The following LASP1NB variants were observed in gnomAD, a reference collection of about 807,000 sequenced individuals.
LASP1NB encodes the protein LASP1 neighbor protein.
chr17:38,929,150 TTA>T, the LASP1NB span: 1 of 152,222 alleles, frequency 6.6e-6, no homozygotes, highest in Non-Finnish European at 1.5e-5. Flanking sequence ...TTTGGAAAAA[TTA>T]TATGACTTTG....
the LASP1NB span, chr17:38,928,506 C>G: frequency 6.6e-6 from 1 of 150,650 alleles, no homozygotes; most frequent in East Asian, 1.9e-4. Flanking sequence ...CTGCAAAACT[C>G]TTTTTTTTTC....
the LASP1NB span, chr17:38,927,567 T>A: frequency 6.6e-6 from 1 of 151,692 alleles, no homozygotes; most frequent in Non-Finnish European, 1.5e-5. Flanking sequence ...GCCGACATCA[T>A]GTCACTGCAC....
the LASP1NB span, chr17:38,927,150 G>A: frequency 6.6e-6 from 1 of 151,812 alleles, no homozygotes; most frequent in South Asian, 2.1e-4. Context: ...TTTAATCAAA[G>A]ATCTTTTCTG....
At chr17:38,926,258 A>C in the LASP1NB span, among the ~76,000 whole-genome samples, 1 of 151,992 alleles carries the variant, frequency 6.6e-6, no homozygotes, top group Non-Finnish European at 1.5e-5. Flanking sequence ...TTAATGATTG[A>C]CTCATTCTTA....
the LASP1NB span, chr17:38,929,048 A>G: frequency 6.6e-6 from 1 of 152,230 alleles, no homozygotes; most frequent in Non-Finnish European, 1.5e-5. Context: ...GGTGATATAT[A>G]CCACTGGTAT....
the LASP1NB span, among the ~76,000 whole-genome samples, chr17:38,926,185 T>A: frequency 6.6e-6 from 1 of 152,204 alleles, no homozygotes; most frequent in East Asian, 1.9e-4. Context: ...GTAAAACACA[T>A]CTTTGCATGT....
the LASP1NB span, chr17:38,928,546 GCC>G: frequency 6.6e-6 from 1 of 152,066 alleles, no homozygotes. Flanking sequence ...TGAGAAAATG[GCC>G]ATATTTATTT....
chr17:38,925,975 A>G, the LASP1NB span: 1 of 378,388 alleles, frequency 2.6e-6, no homozygotes, highest in Non-Finnish European at 4.7e-6. Context: ...TGAAAAGAAT[A>G]AGAAATGCCA....
chr17:38,926,320 G>C, the LASP1NB span: 1 of 152,186 alleles, frequency 6.6e-6, no homozygotes, highest in African/African-American at 2.4e-5. Flanking sequence ...TTTTCGGGGA[G>C]ATGTCCAACT....
At chr17:38,928,858 C>G in the LASP1NB span, 1 of 152,298 alleles carries the variant, frequency 6.6e-6, no homozygotes, top group African/African-American at 2.4e-5. Flanking sequence ...CAGGCATGCG[C>G]CAGTATTTTG....
chr17:38,927,351 C>G, the LASP1NB span: 3 of 152,206 alleles, frequency 2.0e-5, no homozygotes, highest in Non-Finnish European at 4.4e-5. Context: ...TGGCTCATGC[C>G]TGTAATCCCA....
At chr17:38,926,239 T>C in the LASP1NB span, among the ~76,000 whole-genome samples, 6 of 152,232 alleles carry the variant, frequency 3.9e-5, no homozygotes, top group Admixed American at 3.9e-4. Context: ...GCTTGTATAA[T>C]TGCATTACTT....
the LASP1NB span, chr17:38,925,991 T>C: frequency 5.4e-6 from 2 of 368,490 alleles, no homozygotes; most frequent in African/African-American, 4.2e-5. Flanking sequence ...TGCCAGCTTC[T>C]TTCTTTGGGA....
chr17:38,926,849 CTG>C, the LASP1NB span: 1 of 152,168 alleles, frequency 6.6e-6, no homozygotes, highest in African/African-American at 2.4e-5. Context: ...CACTTTATCA[CTG>C]TCTTTACAGA....
chr17:38,925,729 C>T, the LASP1NB span: 1 of 398,626 alleles, frequency 2.5e-6, no homozygotes, highest in Non-Finnish European at 4.4e-6. Context: ...TCTTTGCCAT[C>T]ATAGGCCTGG....
At chr17:38,927,995 T>C in the LASP1NB span, 1 of 151,644 alleles carries the variant, frequency 6.6e-6, no homozygotes, top group African/African-American at 2.4e-5. Context: ...TGAGCCGAGA[T>C]CACACCTCTG....
chr17:38,927,594 T>C, the LASP1NB span: 1 of 150,658 alleles, frequency 6.6e-6, no homozygotes, highest in Admixed American at 6.6e-5. Flanking sequence ...CTGGGAGACA[T>C]AGCGAGATTC....
At chr17:38,927,858 C>T in the LASP1NB span, 4 of 152,168 alleles carry the variant, frequency 2.6e-5, no homozygotes, top group East Asian at 1.9e-4. Flanking sequence ...GTCTGACCAA[C>T]GTGGTGAAAC....
chr17:38,926,875 G>T, the LASP1NB span: 4 of 152,054 alleles, frequency 2.6e-5, no homozygotes, highest in African/African-American at 9.7e-5. Context: ...CACAGTCTGG[G>T]GTTTTGTGGT....
Sources: allele counts gnomAD v4.1 joint callset (sites outside exome capture counted in the v4.1 genomes callset), GRCh38; gene constraint gnomAD v4.1.1; transcripts MANE v1.5; gene names NCBI Gene and HGNC (gene_info 2026-07-23, HGNC 2026-07-21).